The following ERI1 variants were observed in gnomAD, a reference collection of about 807,000 sequenced individuals.
ERI1 encodes the protein exoribonuclease 1.
A neutral mutation model predicts 39.7 loss-of-function variants in ERI1; 39 were observed. The observed-to-expected ratio is 0.98, with a 90% CI of 0.76 to 1.28. ERI1 has a LOEUF of 1.28. ERI1 is among the 50% of genes most tolerant of loss of function. The pLI, the probability that ERI1 is intolerant of heterozygous loss-of-function variation, is 0.00. For synonymous variants in ERI1, 204 were observed against 149.6 expected, an observed-to-expected ratio of 1.36 and a Z score of -2.65; for missense variants, 581 against 416.9, an observed-to-expected ratio of 1.39 and a Z score of -3.43.
rs529284136 is a variant in ERI1, at chr8:9,080,448, G to T, written n.300-35900G>T. On this transcript the variant is annotated intron_variant and non_coding_transcript_variant, in intron 3 of 3. Transcript: ENST00000518663. ...GCAGCCTGGCAGTAAGAACCAGTTA[G>T]CAGACAGAGACGTGAACAGCACACA... 9.2e-5 allele frequency among the ~76,000 whole-genome samples: 14 copies of T among 152,324 alleles called. No homozygotes were observed. The East Asian group carries it at 2.7e-3, about 29-fold the overall frequency.
chr8:9,044,216 C>T (rs997432473), intron 3 of ERI1, among the ~76,000 whole-genome samples: 1 of 152,126 alleles, frequency 6.6e-6, no homozygotes. Flanking sequence ...CTTCAAAATC[C>T]ATCATGGTGC....
Position 9,043,437 on chromosome 8 carries a change from C to G in ERI1, n.299+22973C>G, listed in dbSNP as rs576134454. ...TCACCCAAGCATGTAGAGGCCAGGC[C>G]TAAATCAAAGAGCTCAGAGGAAGTG... On this transcript the variant is annotated intron_variant and non_coding_transcript_variant, in intron 3 of 3. Transcript: ENST00000518663. Among the ~76,000 whole-genome samples, 12 of 152,252 alleles carry G rather than the reference C, an allele frequency of 7.9e-5. No individual in the cohort carries two copies. In the South Asian group the frequency reaches 1.9e-3, roughly 24 times the overall value.
chr8:9,055,114 C>T (rs1246323701), intron 3 of ERI1, among the ~76,000 whole-genome samples: 2 of 152,080 alleles, frequency 1.3e-5, no homozygotes, highest in African/African-American at 2.4e-5. Flanking sequence ...CCAGCACAGC[C>T]CCGTGGTGGA....
intron 3 of ERI1, among the ~76,000 whole-genome samples, chr8:9,076,258 C>G (rs1239690024): frequency 1.3e-5 from 2 of 152,082 alleles, no homozygotes; most frequent in East Asian, 3.9e-4. Context: ...AAAAGAAAAT[C>G]TGAAGGAAAA....
At chr8:9,028,731 C>T (rs147036521) in intron 6 of ERI1, among the ~76,000 whole-genome samples, 42 of 152,180 alleles carry the variant, frequency 2.8e-4, no homozygotes, top group African/African-American at 8.4e-4. Context: ...TCAAGGGATT[C>T]TTCTGCCTCA....
chr8:9,080,291 G>C (rs1799330009), intron 3 of ERI1, among the ~76,000 whole-genome samples: 1 of 152,166 alleles, frequency 6.6e-6, no homozygotes, highest in South Asian at 2.1e-4. Context: ...TTTCTCAACT[G>C]TATAACCCAA....
At chr8:9,074,901 T>A (rs112847576) in intron 3 of ERI1, among the ~76,000 whole-genome samples, 4 of 152,300 alleles carry the variant, frequency 2.6e-5, no homozygotes, top group African/African-American at 9.6e-5. Flanking sequence ...TCTGGTGTGG[T>A]CTTAATCTTC....
chr8:9,008,105 G>C lies in ERI1; in HGVS notation c.244G>C (p.Glu82Gln), dbSNP rs1452676050. 6.2e-6 allele frequency: 10 copies of C among 1,608,720 alleles called. No homozygotes were observed. Among genetic ancestry groups the C allele is most frequent in the Non-Finnish European group, 8.5e-6 (10 of 1,178,248 alleles). ...TNGCINRMSK[E>Q]ELRAKLSEFK... is the part of the protein sequence containing the mutation. The stretch of plus-strand genomic sequence containing the variant: ...TGGCTGTATTAATAGAATGAGTAAG[G>C]AAGAACTCAGAGCTAAGCTTTCAGA... The change falls in exon 2 of 7, where the codon GAA becomes CAA. Residue 82 changes from glutamate (E) to glutamine (Q), a missense_variant. Physicochemically the swap from Glu to Gln is conservative, Grantham distance 29. Coordinates refer to ENST00000250263, the MANE Select transcript of ERI1 (RefSeq NM_153332.4).
intron 3 of ERI1, among the ~76,000 whole-genome samples, chr8:9,051,971 A>G (rs1798370061): frequency 6.6e-6 from 1 of 152,270 alleles, no homozygotes; most frequent in Non-Finnish European, 1.5e-5. Context: ...GCCATGCCAC[A>G]AAATAAGTGA....
intron 3 of ERI1, chr8:9,100,090 C>T (rs1032244027): frequency 6.5e-6 from 1 of 152,800 alleles, no homozygotes; most frequent in African/African-American, 2.4e-5. Context: ...TTGTAATTTT[C>T]ATTTCAGAAG....
chr8:9,080,417 C>T (rs148924654), intron 3 of ERI1, among the ~76,000 whole-genome samples: 2 of 152,192 alleles, frequency 1.3e-5, no homozygotes, highest in African/African-American at 4.8e-5. Context: ...AGTGACATTT[C>T]TCCTTGCAGC....
chr8:9,007,869 G>T, intron 1 of ERI1, 101 bp from the exon 2 acceptor site: 1 of 1,465,092 alleles, frequency 6.8e-7, no homozygotes. Context: ...AGCATGAAGA[G>T]GCTTCAGAAG....
rs1236307547 is a variant in ERI1 at position 9,029,819 on chromosome 8, A to G, written c.835A>G (p.Ile279Val). The G allele has an allele frequency of 1.2e-6, 2 of 1,614,240 alleles. No individual in the cohort carries two copies. The highest frequency in any genetic ancestry group is 8.5e-7 in the Non-Finnish European group (1 of 1,180,042). ...TCCTAGAAGCCAAACCAAACTGACA[A>G]TAATGCTTGAAAAATTAGGAATGGA... ...KVPRSQTKLT[I>V]MLEKLGMDYD... Residue 279 changes from isoleucine (I) to valine (V), a missense_variant, in exon 7 of 7, where the codon ATA becomes GTA. By Grantham distance (29) the Ile-to-Val change is conservative. Coordinates refer to ENST00000250263, the MANE Select transcript of ERI1 (RefSeq NM_153332.4).
intron 3 of ERI1, among the ~76,000 whole-genome samples, chr8:9,096,088 G>A (rs189371803): frequency 5.9e-5 from 9 of 152,356 alleles, no homozygotes; most frequent in Admixed American, 5.9e-4. Flanking sequence ...GCCTGAGGTA[G>A]AGAGGACGTT....
At chr8:9,004,684 C>A (rs983877867) in intron 1 of ERI1, among the ~76,000 whole-genome samples, 3 of 126,804 alleles carry the variant, frequency 2.4e-5, no homozygotes, top group Admixed American at 1.6e-4. Context: ...AGTAATGATA[C>A]TTTTTTTTTT....
intron 3 of ERI1, among the ~76,000 whole-genome samples, chr8:9,047,711 A>G (rs1249456610): frequency 7.9e-6 from 1 of 127,322 alleles, no homozygotes; most frequent in Non-Finnish European, 1.7e-5. Flanking sequence ...AAAAAGAAAG[A>G]AAAGGAGAGT....
chr8:9,097,658 C>T (rs990512303), intron 3 of ERI1, among the ~76,000 whole-genome samples: 4 of 127,376 alleles, frequency 3.1e-5, no homozygotes, highest in African/African-American at 1.3e-4. Context: ...GACAGAATGA[C>T]ACTCTGTCAA....
intron 3 of ERI1, among the ~76,000 whole-genome samples, chr8:9,054,270 C>T (rs774482022): frequency 5.9e-5 from 9 of 152,196 alleles, no homozygotes; most frequent in African/African-American, 2.2e-4. Flanking sequence ...GCAAAATTAT[C>T]CCCATCAAAA....
chr8:9,073,444 C>T (rs1217776178), intron 3 of ERI1, among the ~76,000 whole-genome samples: 8 of 152,042 alleles, frequency 5.3e-5, no homozygotes, highest in Non-Finnish European at 1.5e-5. Flanking sequence ...TACCGATGGA[C>T]AGGTTAGCAA....
Sources: allele counts gnomAD v4.1 joint callset (sites outside exome capture counted in the v4.1 genomes callset), GRCh38; gene constraint gnomAD v4.1.1; transcripts MANE v1.5; gene names NCBI Gene and HGNC (gene_info 2026-07-23, HGNC 2026-07-21).